POMZP3: variants seen among roughly 807,000 people sequenced by gnomAD.
POMZP3 encodes the protein POM121 and ZP3 fusion protein.
In POMZP3, 10 loss-of-function variants were observed where a neutral mutation model predicts 19.8. The ratio of observed to expected loss-of-function variants is 0.51; its 90% CI spans 0.31 to 0.86. The LOEUF is 0.86. POMZP3 is among the 40% of genes least tolerant of loss of function. The pLI is 0.04. For missense variants in POMZP3, 152 were observed against 228.1 expected (o/e 0.67, Z 2.15); for synonymous variants, 57 against 85.8 (o/e 0.66, Z 1.85).
At chr7:76,611,151 G>A (rs928618146) in intron 6 of POMZP3, among the ~76,000 whole-genome samples, 3 of 149,350 alleles carry the variant, frequency 2.0e-5, no homozygotes, top group African/African-American at 5.0e-5. Flanking sequence ...TGGGATTACA[G>A]GCCTGAGCCA....
chr7:76,614,564 C>CAAA (rs749162077), intron 4 of POMZP3, among the ~76,000 whole-genome samples: 1 of 47,848 alleles, frequency 2.1e-5, no homozygotes, highest in African/African-American at 8.4e-5. Context: ...CCATTTCCCC[C>CAAA]AAAAAAAAAA....
chr7:76,623,186 T>C (rs952337713), intron 3 of POMZP3, among the ~76,000 whole-genome samples: 4 of 50,124 alleles, frequency 8.0e-5, no homozygotes, highest in Admixed American at 2.0e-4. Context: ...TTGATTGTGG[T>C]TTTTTTTTTT....
At chr7:76,623,112 T>A (rs1202677942) in intron 3 of POMZP3, among the ~76,000 whole-genome samples, 1 of 151,818 alleles carries the variant, frequency 6.6e-6, no homozygotes, top group Admixed American at 6.6e-5. Flanking sequence ...GCTCAAGAGA[T>A]CCCTCCACCT....
intron 4 of POMZP3, chr7:76,615,413 G>A (rs1173907440): frequency 1.1e-5 from 1 of 88,200 alleles, no homozygotes; most frequent in Non-Finnish European, 2.3e-5. Context: ...AGAGCTTCAG[G>A]CCATCTCATC....
intron 3 of POMZP3, among the ~76,000 whole-genome samples, chr7:76,620,198 G>A (rs1430357729): frequency 1.2e-5 from 1 of 86,828 alleles, no homozygotes; most frequent in Non-Finnish European, 2.4e-5. Context: ...CATGGTGGCG[G>A]GCGCCTGTAG....
In POMZP3 at chr7:76,625,383, C is replaced by T. The variant is rs1363771150; in HGVS notation, c.227+139G>A. The T allele has an allele frequency of 2.9e-6, 4 of 1,396,936 alleles. No homozygotes were observed. The South Asian group carries it at 5.2e-5, about 18-fold the overall frequency. The allele number at this position is 1,396,936 out of a possible 1,614,324, so 86.5% of individuals were successfully genotyped here. A position where few individuals can be genotyped will look rare whatever the true frequency, so the allele number is the denominator to read the frequency against. On this transcript the variant is annotated intron_variant, in intron 3 of 6. Transcript: ENST00000310842. ...GCATTAAAACCCCTGTTATTAGGTTCTTTCATGAAAGCCAAAGAAGGAGGC... is the reference window on the plus strand; with the variant it reads ...GCATTAAAACCCCTGTTATTAGGTTTTTTCATGAAAGCCAAAGAAGGAGGC...
intron 1 of POMZP3, 58 bp from the exon 2 acceptor site, chr7:76,626,273 A>T: frequency 1.4e-6 from 2 of 1,454,098 alleles, no homozygotes; most frequent in Non-Finnish European, 1.9e-6. Flanking sequence ...TCAAAATTTT[A>T]GACGGTTAAA....
chr7:76,622,264 A>G (rs573757680), intron 3 of POMZP3, among the ~76,000 whole-genome samples: 1 of 151,906 alleles, frequency 6.6e-6, no homozygotes, highest in South Asian at 2.1e-4. Context: ...GTCTTAATAA[A>G]CTTGCGTTCA....
rs773005583 is a variant in POMZP3, at chr7:76,626,110, C to G, written c.-46G>C. The G allele has an allele frequency of 4.6e-5, 74 of 1,613,422 alleles. 2 individuals are homozygous for G. The South Asian group carries it at 7.8e-4, about 17-fold the overall frequency. ...GCACAGCCTTCTTGTGATAACCATT[C>G]CAGCACACTGTGGGAAGTACCCCCG... On this transcript the variant is annotated 5_prime_UTR_variant, in exon 2 of 7. Transcript: ENST00000310842.
chr7:76,611,939 C>G, intron 4 of POMZP3, 126 bp from the exon 5 acceptor site: 1 of 1,513,216 alleles, frequency 6.6e-7, no homozygotes, highest in Non-Finnish European at 8.9e-7. Flanking sequence ...TGGCACACAC[C>G]TATAATCCCA....
intron 3 of POMZP3, among the ~76,000 whole-genome samples, chr7:76,620,911 A>C: frequency 8.4e-6 from 1 of 119,362 alleles, no homozygotes; most frequent in African/African-American, 3.4e-5. Flanking sequence ...CTGTGTCGCC[A>C]AGGCTGGAGT....
chr7:76,622,872 CTTTT>C (rs1215209887), intron 3 of POMZP3, among the ~76,000 whole-genome samples: 1 of 147,350 alleles, frequency 6.8e-6, no homozygotes, highest in Non-Finnish European at 1.5e-5. Flanking sequence ...ATCTAAATTC[CTTTT>C]TTTTTTTCTT....
At chr7:76,612,097 C>G (rs1463802278) in intron 4 of POMZP3, among the ~76,000 whole-genome samples, 12 of 137,022 alleles carry the variant, frequency 8.8e-5, no homozygotes, top group Non-Finnish European at 1.9e-4. Context: ...ACCTGGAAGG[C>G]TGAGGCAGGA....
At position 76,627,123 on chromosome 7, in the gene POMZP3, C is replaced by T; in HGVS notation, c.-567G>A. On this transcript the variant is annotated 5_prime_UTR_variant, in exon 1 of 7. Transcript: ENST00000310842. ...CCACGGCCAGCCAGGCCAGCGCAGCCGCAGCAGGCACGAGGTACAGTAGGA... is the reference window on the plus strand; with the variant it reads ...CCACGGCCAGCCAGGCCAGCGCAGCTGCAGCAGGCACGAGGTACAGTAGGA... 1.4e-6 allele frequency: 2 copies of T among 1,408,752 alleles called. No homozygotes were observed. The highest frequency in any genetic ancestry group is 1.9e-6 in the Non-Finnish European group (2 of 1,063,946). 87.3% of individuals were successfully genotyped at this position (1,408,752 alleles called of 1,614,324 possible). A position where few individuals can be genotyped will look rare whatever the true frequency, so the allele number is the denominator to read the frequency against.
intron 3 of POMZP3, among the ~76,000 whole-genome samples, chr7:76,619,487 T>C (rs1227819168): frequency 1.3e-5 from 2 of 151,288 alleles, no homozygotes; most frequent in African/African-American, 4.9e-5. Flanking sequence ...ACTTGCGTTC[T>C]TGCATAAAGG....
chr7:76,616,161 G>C (rs1638147), intron 4 of POMZP3, among the ~76,000 whole-genome samples: 1 of 131,672 alleles, frequency 7.6e-6, no homozygotes, highest in East Asian at 2.2e-4. Flanking sequence ...GCAGGCGCCT[G>C]CAATCCCAGC....
chr7:76,621,827 C>G (rs1490297218), intron 3 of POMZP3, among the ~76,000 whole-genome samples: 1 of 149,348 alleles, frequency 6.7e-6, no homozygotes, highest in East Asian at 2.0e-4. Context: ...GCAGTCCCAG[C>G]TACTCGGGAG....
intron 3 of POMZP3, among the ~76,000 whole-genome samples, chr7:76,624,038 G>T (rs1239436094): frequency 7.2e-6 from 1 of 138,966 alleles, no homozygotes; most frequent in Non-Finnish European, 1.6e-5. Context: ...GGTAAAGAAA[G>T]TTGAAAAAAG....
At chr7:76,611,621 T>C in intron 5 of POMZP3, 30 bp from the exon 6 acceptor site, 1 of 1,586,218 alleles carries the variant, frequency 6.3e-7, no homozygotes, top group East Asian at 2.2e-5. Context: ...GCTTAGATTT[T>C]TGTTGCCTGC....
Sources: gnomAD v4.1 joint callset for allele counts (sites outside exome capture counted in the v4.1 genomes callset) on GRCh38, gnomAD v4.1.1 for gene constraint, MANE v1.5 for transcripts, NCBI Gene and HGNC (gene_info 2026-07-23, HGNC 2026-07-21) for gene names.